PTPN13: variants seen among roughly 807,000 people sequenced by gnomAD.
PTPN13 encodes the protein tyrosine-protein phosphatase non-receptor type 13.
Under a neutral mutation model 284.0 loss-of-function variants are expected in PTPN13, and 191 were observed. The observed-to-expected ratio is 0.67, with a 90% confidence interval of 0.60 to 0.76. The LOEUF (loss-of-function observed/expected upper bound fraction) is 0.76, where lower values mean the gene tolerates loss of function less well. Ranked by LOEUF, PTPN13 falls within the 30% of genes least tolerant of loss-of-function variation. The probability of loss-of-function intolerance (pLI) is 0.00; values close to 1 mark genes in which losing one functional copy is unlikely to be tolerated. For missense variants in PTPN13, 2,797 were observed against 2,939.9 expected, an observed-to-expected ratio of 0.95 and a Z score of 1.12; for synonymous variants, 986 against 1,022.3, an observed-to-expected ratio of 0.96 and a Z score of 0.68.
intron 2 of PTPN13, among the ~76,000 whole-genome samples, chr4:86,647,518 CTA>C (rs1246564154): frequency 2.0e-5 from 3 of 150,872 alleles, no homozygotes; most frequent in Non-Finnish European, 3.0e-5. Flanking sequence ...TTTAAAATGA[CTA>C]AAAACATTTT....
At chr4:86,628,540 T>C in intron 1 of PTPN13, among the ~76,000 whole-genome samples, 1 of 144,514 alleles carries the variant, frequency 6.9e-6, no homozygotes, top group South Asian at 2.2e-4. Context: ...TTAGGGTACA[T>C]GTGCACATTG....
intron 7 of PTPN13, among the ~76,000 whole-genome samples, chr4:86,712,346 C>G (rs576658318): frequency 6.6e-6 from 1 of 151,152 alleles, no homozygotes; most frequent in Non-Finnish European, 1.5e-5. Flanking sequence ...CCTTTATGTG[C>G]AGGTCATCTC....
At chr4:86,683,655 A>G (rs750152758) in intron 3 of PTPN13, among the ~76,000 whole-genome samples, 4 of 152,224 alleles carry the variant, frequency 2.6e-5, no homozygotes, top group Non-Finnish European at 5.9e-5. Context: ...AAGTTGACAC[A>G]TACAACTAAC....
chr4:86,784,731 C>T (rs966009722), intron 38 of PTPN13, among the ~76,000 whole-genome samples, 173 bp downstream of exon 38: 11 of 152,080 alleles, frequency 7.2e-5, no homozygotes, highest in African/African-American at 2.7e-4. Flanking sequence ...TATTCATTCT[C>T]GTCTCTGAGA....
rs772882076 is a variant in PTPN13 at position 86,646,290 on chromosome 4, ATT to A, written c.115+10942_115+10943del. Among the ~76,000 whole-genome samples the A allele has an allele frequency of 7.5e-3, 1,000 of 132,826 alleles. 16 individuals are homozygous for A. The highest frequency in any genetic ancestry group is 0.026 in the African/African-American group (910 of 35,652). 87.1% of individuals were successfully genotyped at this position (132,826 alleles called of 152,430 possible). On this transcript the variant is annotated intron_variant, in intron 2 of 47. Coordinates refer to ENST00000411767, the MANE Select transcript of PTPN13 (RefSeq NM_080683.3). ...CCTACACTGGGAGAAAATATTTGCA[ATT>A]TTTTTTTTTTTTTTTTTTTTTTAAA...
At chr4:86,744,414 C>G (rs1245655170) in intron 16 of PTPN13, among the ~76,000 whole-genome samples, 1 of 152,092 alleles carries the variant, frequency 6.6e-6, no homozygotes, top group Non-Finnish European at 1.5e-5. Flanking sequence ...ATAATCTTAT[C>G]AAAGGAATCT....
At chr4:86,800,677 G>A (rs931569426) in intron 42 of PTPN13, among the ~76,000 whole-genome samples, 4 of 143,892 alleles carry the variant, frequency 2.8e-5, no homozygotes, top group African/African-American at 7.5e-5. Context: ...GAGAGAGAAA[G>A]AGAGAGAAGG....
intron 41 of PTPN13, among the ~76,000 whole-genome samples, chr4:86,798,559 A>C (rs1379519627): frequency 6.6e-6 from 1 of 150,912 alleles, no homozygotes. Flanking sequence ...TCTCTTTCCT[A>C]GCCATCCACC....
intron 1 of PTPN13, among the ~76,000 whole-genome samples, chr4:86,627,793 G>T (rs1722006594): frequency 6.6e-6 from 1 of 151,998 alleles, no homozygotes; most frequent in Non-Finnish European, 1.5e-5. Flanking sequence ...CTATAATTTT[G>T]TATAAATGTA....
At chr4:86,657,407 G>T (rs566125691) in intron 2 of PTPN13, among the ~76,000 whole-genome samples, 1 of 152,288 alleles carries the variant, frequency 6.6e-6, no homozygotes, top group African/African-American at 2.4e-5. Context: ...CACTGCCTTG[G>T]TGAACTTGGA....
At chr4:86,713,690 G>A (rs748696050) in intron 7 of PTPN13, among the ~76,000 whole-genome samples, 8 of 152,032 alleles carry the variant, frequency 5.3e-5, no homozygotes, top group Non-Finnish European at 1.0e-4. Context: ...TAGAAACAGT[G>A]CAGAACTTTC....
intron 2 of PTPN13, among the ~76,000 whole-genome samples, chr4:86,638,383 C>T (rs568215066): frequency 1.5e-4 from 23 of 152,136 alleles, no homozygotes; most frequent in Admixed American, 5.2e-4. Context: ...CAGTCCTAAA[C>T]CAAAAGAACA....
chr4:86,695,788 T>A (rs1310651191), intron 6 of PTPN13, among the ~76,000 whole-genome samples: 2 of 152,030 alleles, frequency 1.3e-5, no homozygotes, highest in Non-Finnish European at 2.9e-5. Flanking sequence ...GGCCATGTTA[T>A]GTAGTTGAAG....
At chr4:86,710,899 G>T (rs1732315321) in intron 7 of PTPN13, among the ~76,000 whole-genome samples, 1 of 151,768 alleles carries the variant, frequency 6.6e-6, no homozygotes, top group Admixed American at 6.6e-5. Context: ...TGTATAACTA[G>T]ACTTCTGTCC....
chr4:86,619,500 T>C (rs979402540), intron 1 of PTPN13, among the ~76,000 whole-genome samples: 3 of 152,232 alleles, frequency 2.0e-5, no homozygotes, highest in Admixed American at 1.3e-4. Flanking sequence ...GATTTTATCC[T>C]GAATCTTTCC....
chr4:86,774,460 T>A lies in PTPN13; in HGVS notation c.5437T>A (p.Tyr1813Asn). ...CAAAGGCAATCAGAGAATTGGTTGT[T>A]ATGTTCATGATGTCATACAGGATCC... ...VTKGNQRIGCYVHDVIQDPAK... is the reference protein window; with the variant it reads ...VTKGNQRIGCNVHDVIQDPAK... The change falls in exon 33 of 48, where the codon TAT becomes AAT. Residue 1813 changes from tyrosine (Y) to asparagine (N), a missense_variant. Physicochemically the swap from Tyr to Asn is moderately radical, Grantham distance 143 (BLOSUM62 -2). Coordinates refer to ENST00000411767, the MANE Select transcript of PTPN13 (RefSeq NM_080683.3). 1 of 1,605,792 alleles carries A rather than the reference T, an allele frequency of 6.2e-7. No homozygotes were observed. The highest frequency in any genetic ancestry group is 8.5e-7 in the Non-Finnish European group (1 of 1,175,790).
intron 1 of PTPN13, among the ~76,000 whole-genome samples, chr4:86,616,308 G>A (rs1720534043): frequency 1.3e-5 from 2 of 152,190 alleles, no homozygotes; most frequent in African/African-American, 4.8e-5. Context: ...GAGGGAGTGG[G>A]TGATGCTGGT....
chr4:86,636,236 T>G (rs940103436), intron 2 of PTPN13, among the ~76,000 whole-genome samples: 1 of 152,182 alleles, frequency 6.6e-6, no homozygotes, highest in African/African-American at 2.4e-5. Context: ...CAGAATGATA[T>G]AGGGTCAACA....
chr4:86,783,570 A>G (rs35254293), intron 37 of PTPN13, among the ~76,000 whole-genome samples: 15,084 of 152,018 alleles, frequency 0.099, 846 homozygotes, highest in Non-Finnish European at 0.11. Context: ...TGTGTCCTTG[A>G]ATGCTAATAT....
Sources: gnomAD v4.1 joint callset for allele counts (sites outside exome capture counted in the v4.1 genomes callset) on GRCh38, gnomAD v4.1.1 for gene constraint, MANE v1.5 for transcripts, NCBI Gene and HGNC (gene_info 2026-07-23, HGNC 2026-07-21) for gene names.